Variants in MYBPC1 observed in about 807,000 individuals in gnomAD.
MYBPC1 encodes the protein myosin-binding protein C, slow-type.
MYBPC1 carries 52 observed loss-of-function variants against 147.1 expected under a neutral mutation model. The observed-to-expected ratio is 0.35, with a 90% CI of 0.28 to 0.45. MYBPC1 has a LOEUF of 0.45. Ranked by LOEUF, MYBPC1 falls within the 20% of genes least tolerant of loss-of-function variation. The pLI, the probability that MYBPC1 is intolerant of heterozygous loss-of-function variation, is 1.00. For synonymous variants in MYBPC1, 477 were observed against 475.9 expected (o/e 1.00, Z -0.03); for missense variants, 1,228 against 1,440.3 (o/e 0.85, Z 2.39).
At chr12:101,620,564 G>A (rs1405237023) in intron 3 of MYBPC1, among the ~76,000 whole-genome samples, 2 of 152,106 alleles carry the variant, frequency 1.3e-5, no homozygotes, top group Non-Finnish European at 2.9e-5. Context: ...GGAATAACGT[G>A]GGTGATCAAG....
At chr12:101,670,256 C>A in intron 23 of MYBPC1, 65 bp from the exon 24 acceptor site, 1 of 1,387,334 alleles carries the variant, frequency 7.2e-7, no homozygotes, top group Non-Finnish European at 1.0e-6. Context: ...TGCCATTTTG[C>A]TTTTGTAAGG....
chr12:101,596,314 C>T (rs971195289), intron 1 of MYBPC1, among the ~76,000 whole-genome samples: 1 of 152,190 alleles, frequency 6.6e-6, no homozygotes, highest in African/African-American at 2.4e-5. Context: ...AATAACCACA[C>T]CAAATGCATG....
chr12:101,668,767 T>C (rs913914231), intron 23 of MYBPC1, among the ~76,000 whole-genome samples: 6 of 152,032 alleles, frequency 3.9e-5, no homozygotes, highest in African/African-American at 1.4e-4. Context: ...GCCTGGCCCT[T>C]AGAGTGTTCT....
chr12:101,626,774 G>T, intron 3 of MYBPC1, 98 bp from the exon 4 acceptor site: 1 of 1,029,042 alleles, frequency 9.7e-7, no homozygotes, highest in Non-Finnish European at 1.5e-6. Flanking sequence ...AAAGTGTATT[G>T]TGTGGTTTCT....
At chr12:101,650,347 C>G (rs184468640) in intron 15 of MYBPC1, among the ~76,000 whole-genome samples, 1 of 152,016 alleles carries the variant, frequency 6.6e-6, no homozygotes, top group African/African-American at 2.4e-5. Flanking sequence ...AAAGACATAC[C>G]CAAGACTGGG....
At chr12:101,647,192 T>C (rs914845351) in intron 13 of MYBPC1, among the ~76,000 whole-genome samples, 3 of 152,242 alleles carry the variant, frequency 2.0e-5, no homozygotes, top group Non-Finnish European at 2.9e-5. Flanking sequence ...TGATCACAAA[T>C]AGGTTTCTCT....
rs549893739 is a variant in MYBPC1, at chr12:101,649,790, G to A, written c.1363+364G>A. ...AACACTCTGCAATTACATTTGGCAT[G>A]AGAAGAAAGTAATTCAAACCAAAAG... On this transcript the variant is annotated intron_variant, in intron 15 of 31. Coordinates refer to ENST00000361466, the MANE Select transcript of MYBPC1 (RefSeq NM_002465.4). Among the ~76,000 whole-genome samples, 14 of 152,310 alleles carry A rather than the reference G, an allele frequency of 9.2e-5. No individual in the cohort carries two copies. The South Asian group carries it at 1.7e-3, about 18-fold the overall frequency.
chr12:101,685,587 C>G lies in MYBPC1; in HGVS notation c.*25C>G, dbSNP rs1198473271. 1.5e-5 allele frequency: 23 copies of G among 1,529,096 alleles called. No individual in the cohort carries two copies. Among genetic ancestry groups the G allele is most frequent in the Non-Finnish European group, 1.9e-5 (22 of 1,140,822 alleles). 94.7% of individuals were successfully genotyped at this position (1,529,096 alleles called of 1,614,324 possible). On this transcript the variant is annotated 3_prime_UTR_variant, in exon 32 of 32. Coordinates refer to ENST00000361466, the MANE Select transcript of MYBPC1 (RefSeq NM_002465.4). ...TTCCTTTTGGTCCTCTCTAGGTGGG[C>G]TCTCCTTCTGCAGACTCCTCTTGCA...
At chr12:101,674,095 T>A (rs1003328611) in intron 25 of MYBPC1, among the ~76,000 whole-genome samples, 2 of 152,128 alleles carry the variant, frequency 1.3e-5, no homozygotes, top group Non-Finnish European at 2.9e-5. Flanking sequence ...CAAAATGAAT[T>A]CTCACCAACT....
chr12:101,675,435 A>T lies in MYBPC1; in HGVS notation c.2949+4A>T. ...GAAGGCTGACAAGAAGAGCATGGTA[A>T]GGTCTGGCTTTCTCTGGTTCATCAG... On this transcript the variant is annotated splice_donor_region_variant and intron_variant, in intron 26 of 31. Transcript: ENST00000361466. The T allele has an allele frequency of 6.2e-7, 1 of 1,614,148 alleles. No homozygotes were observed. The highest frequency in any genetic ancestry group is 8.5e-7 in the Non-Finnish European group (1 of 1,179,984).
intron 3 of MYBPC1, among the ~76,000 whole-genome samples, chr12:101,620,110 T>G (rs1029922532): frequency 6.6e-6 from 1 of 152,304 alleles, no homozygotes; most frequent in South Asian, 2.1e-4. Flanking sequence ...TACTGACCAC[T>G]TTGTCCTGGG....
At chr12:101,649,179 A>G (rs1330645173) in intron 14 of MYBPC1, 81 bp from the exon 15 acceptor site, 4 of 1,266,546 alleles carry the variant, frequency 3.2e-6, no homozygotes, top group Non-Finnish European at 4.5e-6. Flanking sequence ...ATTCTTCAGG[A>G]TATTGCAATA....
In MYBPC1 at chr12:101,609,758, T is replaced by C. The variant is rs901918521; in HGVS notation, c.26-4738T>C. On this transcript the variant is annotated intron_variant, in intron 1 of 31. Coordinates refer to ENST00000361466, the MANE Select transcript of MYBPC1 (RefSeq NM_002465.4). ...TCAATTGATACTAAAAGGCAATTCA[T>C]TTACCTGTGAATTTCTTAAACACAA... 2.6e-5 allele frequency among the ~76,000 whole-genome samples: 4 copies of C among 152,362 alleles called. 1 individual carries two copies. Among genetic ancestry groups the C allele is most frequent in the South Asian group, 4.1e-4 (2 of 4,824 alleles).
rs768877959 is a variant in MYBPC1 at position 101,675,345 on chromosome 12, G to T, written c.2863G>T (p.Val955Phe). The stretch of plus-strand genomic sequence containing the variant: ...GATTGAGGATGTCTGGGGAGAAAAT[G>T]TCGCTCTCACATGGACTCCACCAAA... Reference protein sequence around the residue: ...VKIEDVWGENVALTWTPPKDD... With the variant: ...VKIEDVWGENFALTWTPPKDD... Residue 955 changes from valine to phenylalanine, a missense_variant, in exon 26 of 32, where the codon GTC becomes TTC. Val to Phe is a conservative substitution (Grantham distance 50). This residue lies in a region of MYBPC1 where 1,077 missense variants were observed against 1,314.2 expected (regional missense o/e 0.82). Transcript: ENST00000361466. The T allele has an allele frequency of 6.2e-7, 1 of 1,614,100 alleles. No individual in the cohort carries two copies. Among genetic ancestry groups the T allele is most frequent in the African/African-American group, 1.3e-5 (1 of 75,024 alleles).
intron 18 of MYBPC1, among the ~76,000 whole-genome samples, chr12:101,656,755 GA>G (rs1895614693): frequency 6.6e-6 from 1 of 152,124 alleles, no homozygotes; most frequent in African/African-American, 2.4e-5. Flanking sequence ...TATAGTTGGA[GA>G]TTTTGACATC....
chr12:101,643,215 G>A (rs904122825), intron 11 of MYBPC1, among the ~76,000 whole-genome samples: 1 of 152,010 alleles, frequency 6.6e-6, no homozygotes, highest in Non-Finnish European at 1.5e-5. Flanking sequence ...TTTTGTTAAT[G>A]TTCCAATAGA....
chr12:101,659,049 A>G (rs899220658), intron 18 of MYBPC1, among the ~76,000 whole-genome samples: 1 of 152,236 alleles, frequency 6.6e-6, no homozygotes, highest in Non-Finnish European at 1.5e-5. Context: ...AAAAAAAAGA[A>G]GAAGAAAATA....
chr12:101,681,575 T>C (rs1950961897), intron 29 of MYBPC1, among the ~76,000 whole-genome samples: 4 of 25,986 alleles, frequency 1.5e-4, no homozygotes, highest in Non-Finnish European at 1.6e-4. Flanking sequence ...TATATATATA[T>C]ATATATATAT....
intron 26 of MYBPC1, among the ~76,000 whole-genome samples, chr12:101,676,361 C>G (rs1899990363): frequency 6.6e-6 from 1 of 152,120 alleles, no homozygotes. Context: ...ATTGCTTGAA[C>G]TCGGAAGGTG....
Sources: allele counts gnomAD v4.1 joint callset (sites outside exome capture counted in the v4.1 genomes callset), GRCh38; gene constraint gnomAD v4.1.1; regional missense constraint gnomAD v4.1.1; transcripts MANE v1.5; gene names NCBI Gene and HGNC (gene_info 2026-07-23, HGNC 2026-07-21).